The following RBFOX1 variants were observed in gnomAD, a reference collection of about 807,000 sequenced individuals.
RBFOX1 encodes RNA binding protein fox-1 homolog 1.
In RBFOX1, 8 loss-of-function variants were observed where a neutral mutation model predicts 57.7. The ratio of observed to expected loss-of-function variants is 0.14; its 90% CI spans 0.08 to 0.25. The LOEUF is 0.25. Among genes scored for constraint, RBFOX1 ranks in the 10% least tolerant of loss-of-function variants. The pLI, the probability that RBFOX1 is intolerant of heterozygous loss-of-function variation, is 1.00. For missense variants in RBFOX1, 611 were observed against 548.5 expected, an observed-to-expected ratio of 1.11 and a Z score of -1.14; for synonymous variants, 326 against 222.4, an observed-to-expected ratio of 1.47 and a Z score of -4.15.
intron 1 of RBFOX1, among the ~76,000 whole-genome samples, chr16:6,153,415 T>C (rs1361113714): frequency 6.6e-6 from 1 of 152,246 alleles, no homozygotes; most frequent in Non-Finnish European, 1.5e-5. Flanking sequence ...ACAATTGCTT[T>C]TTATTACCCT....
intron 11 of RBFOX1, among the ~76,000 whole-genome samples, chr16:7,652,066 AGGGGTAACC>A (rs1301374119): frequency 6.6e-6 from 1 of 151,278 alleles, no homozygotes; most frequent in African/African-American, 2.4e-5. Flanking sequence ...ATCAGGGGAC[AGGGGTAACC>A]GGGGTAACCA....
intron 1 of RBFOX1, among the ~76,000 whole-genome samples, chr16:5,321,032 G>A (rs1381841373): frequency 6.6e-6 from 1 of 152,162 alleles, no homozygotes. Flanking sequence ...CTGGTCCTGA[G>A]TTTCTCTTGG....
At chr16:6,389,653 C>A (rs766188347) in intron 2 of RBFOX1, among the ~76,000 whole-genome samples, 2 of 152,046 alleles carry the variant, frequency 1.3e-5, no homozygotes, top group Non-Finnish European at 2.9e-5. Flanking sequence ...AGTTGAATGA[C>A]AAGAGTAAAC....
chr16:7,711,108 T>TGTTTGTC lies in RBFOX1; in HGVS notation c.*363_*364insGTTTGTC, dbSNP rs1470087500. The TGTTTGTC allele has an allele frequency of 5.9e-6, 1 of 170,206 alleles. No homozygotes were observed. Among genetic ancestry groups the TGTTTGTC allele is most frequent in the Non-Finnish European group, 1.2e-5 (1 of 80,386 alleles). 10.5% of individuals were successfully genotyped at this position (170,206 alleles called of 1,614,324 possible). A position where few individuals can be genotyped will look rare whatever the true frequency, so the allele number is the denominator to read the frequency against. ...ATATTAAGCTACTGGGGTTATCAGC[T>TGTTTGTC]ATTTGGGAAGAGTGTAAGTGACTAC... On this transcript the variant is annotated 3_prime_UTR_variant, in exon 16 of 16. Transcript: ENST00000550418.
At chr16:6,777,167 G>T (rs2079520889) in intron 3 of RBFOX1, among the ~76,000 whole-genome samples, 1 of 135,678 alleles carries the variant, frequency 7.4e-6, no homozygotes, top group African/African-American at 2.4e-5. Context: ...ATATTTCTAG[G>T]GTATTTTCTG....
chr16:6,447,636 A>G (rs1010063805), intron 2 of RBFOX1, among the ~76,000 whole-genome samples: 1 of 152,172 alleles, frequency 6.6e-6, no homozygotes, highest in Non-Finnish European at 1.5e-5. Context: ...TGCGCGGACA[A>G]ATCACATATT....
chr16:6,858,049 C>G (rs573291354), intron 3 of RBFOX1, among the ~76,000 whole-genome samples: 20 of 152,230 alleles, frequency 1.3e-4, no homozygotes, highest in Non-Finnish European at 2.2e-4. Context: ...AATGTTCATC[C>G]CAAGAATGGC....
At chr16:6,549,726 A>G (rs2096957341) in intron 2 of RBFOX1, among the ~76,000 whole-genome samples, 1 of 152,040 alleles carries the variant, frequency 6.6e-6, no homozygotes, top group Non-Finnish European at 1.5e-5. Flanking sequence ...CTCATGACCT[A>G]CAGAGTAAGG....
chr16:6,666,544 A>C (rs77907355), intron 3 of RBFOX1, among the ~76,000 whole-genome samples: 1 of 148,616 alleles, frequency 6.7e-6, no homozygotes, highest in Non-Finnish European at 1.5e-5. Context: ...TGTCTCCAAA[A>C]AAAAAAAAAA....
intron 4 of RBFOX1, among the ~76,000 whole-genome samples, chr16:7,162,619 C>T (rs567716804): frequency 2.0e-5 from 3 of 150,616 alleles, no homozygotes; most frequent in Non-Finnish European, 2.9e-5. Flanking sequence ...ATCCCAGCTA[C>T]TGGGGAGGCT....
chr16:6,730,786 T>G (rs959280781), intron 3 of RBFOX1, among the ~76,000 whole-genome samples: 1 of 152,176 alleles, frequency 6.6e-6, no homozygotes, highest in African/African-American at 2.4e-5. Context: ...GAAGATGGCT[T>G]AGATTTCATT....
intron 3 of RBFOX1, among the ~76,000 whole-genome samples, chr16:5,780,510 T>C (rs1237576504): frequency 6.6e-6 from 1 of 152,214 alleles, no homozygotes; most frequent in African/African-American, 2.4e-5. Context: ...ATACCATAGA[T>C]ATATACAGTG....
chr16:5,784,871 G>A (rs992678073), intron 3 of RBFOX1, among the ~76,000 whole-genome samples: 4 of 152,176 alleles, frequency 2.6e-5, no homozygotes, highest in East Asian at 3.9e-4. Context: ...TGAATCTCCC[G>A]GTGCGTTGAT....
At chr16:6,968,825 T>G (rs912738549) in intron 3 of RBFOX1, among the ~76,000 whole-genome samples, 2 of 151,986 alleles carry the variant, frequency 1.3e-5, no homozygotes, top group Non-Finnish European at 2.9e-5. Flanking sequence ...TTTTTTGTTT[T>G]TTTTTTTTTA....
intron 4 of RBFOX1, among the ~76,000 whole-genome samples, chr16:7,335,559 C>T (rs1012498857): frequency 6.8e-6 from 1 of 147,580 alleles, no homozygotes; most frequent in African/African-American, 2.5e-5. Flanking sequence ...ACCAGCATCG[C>T]CCTGTTTTAG....
rs140911992 is a variant in RBFOX1 at position 6,461,301 on chromosome 16, G to C, written c.-64+144244G>C. 2.7e-3 allele frequency among the ~76,000 whole-genome samples: 418 copies of C among 152,214 alleles called. 5 individuals are homozygous for C. Among genetic ancestry groups the C allele is most frequent in the Middle Eastern group, 0.01 (3 of 294 alleles). On this transcript the variant is annotated intron_variant, in intron 2 of 15. Transcript: ENST00000550418. ...TAAAAAAAGAACACTGGTCATAGTG[G>C]ATTAGAGCCTACCCTTATGGATTCC...
At position 5,974,514 on chromosome 16, in the gene RBFOX1, G is replaced by T. The variant is rs191349939; in HGVS notation, c.351+107179G>T. Among the ~76,000 whole-genome samples the T allele has an allele frequency of 6.6e-4, 101 of 152,246 alleles. 1 individual carries two copies. Among genetic ancestry groups the T allele is most frequent in the East Asian group, 5.8e-3 (30 of 5,168 alleles). ...AATCCCAGCTACTCGGGAGGCTGAG[G>T]CAGGAGAATCACTCGAACCCGGGAG... On this transcript the variant is annotated intron_variant, in intron 4 of 19. Transcript: ENST00000641259.
At chr16:7,458,602 C>G (rs1316758654) in intron 4 of RBFOX1, among the ~76,000 whole-genome samples, 4 of 152,208 alleles carry the variant, frequency 2.6e-5, no homozygotes, top group African/African-American at 9.7e-5. Context: ...GGCCCCTTTG[C>G]AAGCCCTTGA....
At chr16:5,554,706 G>A (rs766924758) in intron 2 of RBFOX1, among the ~76,000 whole-genome samples, 2 of 152,110 alleles carry the variant, frequency 1.3e-5, no homozygotes, top group Non-Finnish European at 1.5e-5. Context: ...AGACACCAAA[G>A]GCTCTATTCA....
Sources: gnomAD v4.1 joint callset for allele counts (sites outside exome capture counted in the v4.1 genomes callset) on GRCh38, gnomAD v4.1.1 for gene constraint, MANE v1.5 for transcripts, NCBI Gene and HGNC (gene_info 2026-07-23, HGNC 2026-07-21) for gene names.